EPHA6: variants seen among roughly 807,000 people sequenced by gnomAD.
EPHA6 encodes the protein EPH receptor A6.
In EPHA6, 50 loss-of-function variants were observed where a neutral mutation model predicts 112.0. The ratio of observed to expected loss-of-function variants is 0.45; its 90% CI spans 0.36 to 0.56. The LOEUF is 0.56. Ranked by LOEUF, EPHA6 falls within the 20% of genes least tolerant of loss-of-function variation. EPHA6 has a pLI of 0.00. For synonymous variants in EPHA6, 529 were observed against 490.7 expected, an observed-to-expected ratio of 1.08 and a Z score of -1.03; for missense variants, 1,280 against 1,417.4, an observed-to-expected ratio of 0.90 and a Z score of 1.56.
intron 3 of EPHA6, among the ~76,000 whole-genome samples, chr3:97,138,574 C>G (rs2075818982): frequency 6.6e-6 from 1 of 152,226 alleles, no homozygotes; most frequent in African/African-American, 2.4e-5. Context: ...ATTCACCCCT[C>G]CCTATCACAG....
chr3:97,091,911 T>A (rs566626380), intron 3 of EPHA6, among the ~76,000 whole-genome samples: 2 of 151,944 alleles, frequency 1.3e-5, no homozygotes, highest in South Asian at 4.2e-4. Flanking sequence ...AAGTTAGTGT[T>A]GTAGTATCTG....
At chr3:97,133,547 G>T (rs2075691478) in intron 3 of EPHA6, among the ~76,000 whole-genome samples, 1 of 151,952 alleles carries the variant, frequency 6.6e-6, no homozygotes. Context: ...GTGCTAAGAG[G>T]CAGAGTTAAA....
intron 5 of EPHA6, among the ~76,000 whole-genome samples, chr3:97,276,933 T>C (rs1175442731): frequency 1.3e-5 from 2 of 152,052 alleles, no homozygotes; most frequent in African/African-American, 4.8e-5. Flanking sequence ...GGAACGAAAC[T>C]GTAAGCCGGA....
chr3:97,710,226 AGT>A (rs1315028671), intron 14 of EPHA6, among the ~76,000 whole-genome samples: 1 of 152,036 alleles, frequency 6.6e-6, no homozygotes, highest in African/African-American at 2.4e-5. Flanking sequence ...TTTCCTATTG[AGT>A]GTACTTCTGA....
intron 6 of EPHA6, among the ~76,000 whole-genome samples, chr3:97,427,539 G>T (rs1014656044): frequency 6.6e-6 from 1 of 152,106 alleles, no homozygotes; most frequent in African/African-American, 2.4e-5. Context: ...GCCTACTGGA[G>T]GGTGAAGAGT....
intron 2 of EPHA6, among the ~76,000 whole-genome samples, chr3:96,987,029 A>T (rs2043047804): frequency 6.6e-6 from 1 of 152,224 alleles, no homozygotes. Flanking sequence ...TTTACACCTT[A>T]CAACAACCCT....
chr3:97,576,210 A>T (rs527290771), intron 11 of EPHA6, among the ~76,000 whole-genome samples: 2 of 152,300 alleles, frequency 1.3e-5, no homozygotes, highest in South Asian at 2.1e-4. Flanking sequence ...AGAAGAGGTT[A>T]ATGGCAAGTG....
chr3:97,736,109 A>C lies in EPHA6; in HGVS notation c.3119A>C (p.Asp1040Ala). The change falls in exon 16 of 18, where the codon GAC (aspartate) becomes GCC (alanine). Residue 1040 changes from aspartate (D) to alanine (A), a missense_variant. Physicochemically the swap from Asp to Ala is moderately radical, Grantham distance 126. This residue lies in a region of EPHA6 where 145 missense variants were observed against 153.3 expected (regional missense o/e 0.95). Coordinates refer to ENST00000389672, the MANE Select transcript of EPHA6 (RefSeq NM_001080448.3). ...AGTGCCCTTCACACCCTGGTGGAGG[A>C]CATCCTTGTGTAAGAGGCATAATGT... ...NPSALHTLVEDILVMPESPGE... is the reference protein window; with the variant it reads ...NPSALHTLVEAILVMPESPGE... 1 of 1,611,012 alleles carries C rather than the reference A, an allele frequency of 6.2e-7. No individual in the cohort carries two copies. Among genetic ancestry groups the C allele is most frequent in the Non-Finnish European group, 8.5e-7 (1 of 1,178,076 alleles).
In EPHA6 at chr3:96,857,726, A is replaced by G. The variant is rs141233420; in HGVS notation, c.386-9099A>G. Among the ~76,000 whole-genome samples, 286 of 152,266 alleles carry G rather than the reference A, an allele frequency of 1.9e-3. 1 individual carries two copies. Among genetic ancestry groups the G allele is most frequent in the Non-Finnish European group, 2.7e-3 (182 of 68,004 alleles). On this transcript the variant is annotated intron_variant, in intron 1 of 17. Transcript: ENST00000389672. ...ACTACTCTGTTCTACAGGCAGTATT[A>G]CTTACTAAACTACTACAATCCAATT...
intron 10 of EPHA6, among the ~76,000 whole-genome samples, chr3:97,507,484 T>G (rs1397631738): frequency 6.6e-6 from 1 of 152,242 alleles, no homozygotes; most frequent in Admixed American, 6.5e-5. Flanking sequence ...TTGCATATAT[T>G]AAACCAGCCT....
intron 3 of EPHA6, among the ~76,000 whole-genome samples, chr3:97,185,763 C>T (rs531613956): frequency 3.9e-5 from 6 of 152,146 alleles, no homozygotes; most frequent in Admixed American, 3.3e-4. Flanking sequence ...CACATGCACA[C>T]GTATGTTTAT....
At chr3:96,922,846 G>A (rs7643247) in intron 2 of EPHA6, among the ~76,000 whole-genome samples, 5,895 of 152,120 alleles carry the variant, frequency 0.039, 403 homozygotes, top group African/African-American at 0.13. Context: ...TTGTTTCACC[G>A]CAAGTTTCCA....
intron 5 of EPHA6, among the ~76,000 whole-genome samples, chr3:97,365,490 A>C (rs1329886522): frequency 6.6e-6 from 1 of 151,852 alleles, no homozygotes. Flanking sequence ...TCCCTGGTTC[A>C]GGGGATTCTC....
At chr3:97,345,631 A>G (rs2083496677) in intron 5 of EPHA6, among the ~76,000 whole-genome samples, 1 of 137,624 alleles carries the variant, frequency 7.3e-6, no homozygotes, top group Non-Finnish European at 1.5e-5. Context: ...ATCCCTGTGA[A>G]TGCATCAAGT....
At chr3:97,740,049 A>C (rs531550391) in intron 16 of EPHA6, among the ~76,000 whole-genome samples, 1 of 152,100 alleles carries the variant, frequency 6.6e-6, no homozygotes, top group South Asian at 2.1e-4. Flanking sequence ...CTCCCTCTCC[A>C]CTAACCCTCA....
rs147483895 is a variant in EPHA6, at chr3:97,510,544, C to G, written c.2201-21814C>G. On this transcript the variant is annotated intron_variant, in intron 10 of 17. Coordinates refer to ENST00000389672, the MANE Select transcript of EPHA6 (RefSeq NM_001080448.3). ...TGCAGAACAGCAAATATTGCTGCCTCTTCCTTCCTCTGGAAGCTTCATCCC... is the reference window on the plus strand; with the variant it reads ...TGCAGAACAGCAAATATTGCTGCCTGTTCCTTCCTCTGGAAGCTTCATCCC... Among the ~76,000 whole-genome samples the G allele has an allele frequency of 6.5e-3, 993 of 152,270 alleles. 12 individuals are homozygous for G. Among genetic ancestry groups the G allele is most frequent in the African/African-American group, 0.022 (914 of 41,548 alleles).
intron 11 of EPHA6, chr3:97,569,809 C>T (rs1347590880): frequency 1.3e-5 from 2 of 152,182 alleles, no homozygotes; most frequent in East Asian, 3.8e-4. Context: ...CTAGGATACA[C>T]ATAAAAATGC....
intron 3 of EPHA6, among the ~76,000 whole-genome samples, chr3:97,212,363 C>T (rs1294309352): frequency 6.6e-6 from 1 of 152,004 alleles, no homozygotes; most frequent in Non-Finnish European, 1.5e-5. Flanking sequence ...AATGTTGGAA[C>T]ATTTAAAGGG....
intron 3 of EPHA6, among the ~76,000 whole-genome samples, chr3:97,203,154 T>C (rs2077623756): frequency 6.6e-6 from 1 of 152,056 alleles, no homozygotes; most frequent in Admixed American, 6.6e-5. Context: ...GACTCTAGAG[T>C]CTCTGCTTCT....
Sources: allele counts gnomAD v4.1 joint callset (sites outside exome capture counted in the v4.1 genomes callset), GRCh38; gene constraint gnomAD v4.1.1; regional missense constraint gnomAD v4.1.1; transcripts MANE v1.5; gene names NCBI Gene and HGNC (gene_info 2026-07-23, HGNC 2026-07-21).